FSTL5: variants seen among roughly 807,000 people sequenced by gnomAD.
FSTL5 encodes the protein follistatin like 5, also known as follistatin-related protein 5.
A neutral mutation model predicts 89.1 loss-of-function variants in FSTL5; 62 were observed. The observed-to-expected ratio is 0.70, with a 90% CI of 0.57 to 0.86. FSTL5 has a LOEUF of 0.86. Among genes scored for constraint, FSTL5 ranks in the 40% least tolerant of loss-of-function variants. The probability of loss-of-function intolerance (pLI) is 0.00; values close to 1 mark genes in which losing one functional copy is unlikely to be tolerated. For synonymous variants in FSTL5, 383 were observed against 346.2 expected (o/e 1.11, Z -1.18); for missense variants, 1,057 against 1,001.6 (o/e 1.06, Z -0.75).
At chr4:161,500,357 T>G (rs923500183) in intron 11 of FSTL5, among the ~76,000 whole-genome samples, 1 of 152,104 alleles carries the variant, frequency 6.6e-6, no homozygotes, top group Non-Finnish European at 1.5e-5. Flanking sequence ...AGTGGTTTCT[T>G]TAATATAATT....
rs146402694 is a variant in FSTL5, at chr4:161,658,738, C to A, written c.728-2244G>T. Among the ~76,000 whole-genome samples, 352 of 152,186 alleles carry A rather than the reference C, an allele frequency of 2.3e-3. 2 individuals carry two copies. Among genetic ancestry groups the A allele is most frequent in the Non-Finnish European group, 4.1e-3 (277 of 68,002 alleles). ...GTTACAAACTTACAGAAAGTGAGAACATTATAAAAGTAATGGCATCATGTA... is the reference window on the plus strand; with the variant it reads ...GTTACAAACTTACAGAAAGTGAGAAAATTATAAAAGTAATGGCATCATGTA... On this transcript the variant is annotated intron_variant, in intron 6 of 15. Coordinates refer to ENST00000306100, the MANE Select transcript of FSTL5 (RefSeq NM_020116.5).
At chr4:161,568,017 T>C (rs543995286) in intron 8 of FSTL5, among the ~76,000 whole-genome samples, 1 of 151,966 alleles carries the variant, frequency 6.6e-6, no homozygotes, top group East Asian at 1.9e-4. Context: ...GGATGCATTC[T>C]ATTCTGCTCT....
intron 4 of FSTL5, among the ~76,000 whole-genome samples, chr4:161,784,754 C>A (rs964069380): frequency 9.9e-5 from 15 of 151,782 alleles, no homozygotes; most frequent in African/African-American, 3.4e-4. Flanking sequence ...ATTAGCCGGA[C>A]GTGGTGGCGG....
chr4:161,507,765 C>T (rs907296253), intron 11 of FSTL5, among the ~76,000 whole-genome samples: 1 of 151,796 alleles, frequency 6.6e-6, no homozygotes, highest in South Asian at 2.1e-4. Flanking sequence ...AGATTATAAA[C>T]TCTTCACTAG....
At chr4:161,453,414 C>T (rs1347774527) in intron 15 of FSTL5, among the ~76,000 whole-genome samples, 2 of 151,914 alleles carry the variant, frequency 1.3e-5, no homozygotes, top group Admixed American at 6.6e-5. Flanking sequence ...AAATTTTATC[C>T]TCATTAAATA....
intron 4 of FSTL5, among the ~76,000 whole-genome samples, chr4:161,913,940 C>T (rs1733769438): frequency 6.6e-6 from 1 of 152,114 alleles, no homozygotes; most frequent in Non-Finnish European, 1.5e-5. Flanking sequence ...AGACTTTGGA[C>T]TGTGGACTTT....
intron 4 of FSTL5, among the ~76,000 whole-genome samples, chr4:161,887,392 C>CATCTATCTATCTATCT (rs60103951): frequency 0.035 from 4,669 of 133,118 alleles, 119 homozygotes; most frequent in African/African-American, 0.068. Flanking sequence ...CTCTATCTAT[C>CATCTATCTATCTATCT]ATCTATCTAT....
intron 2 of FSTL5, among the ~76,000 whole-genome samples, chr4:162,071,080 A>G (rs975035631): frequency 9.2e-5 from 14 of 151,830 alleles, no homozygotes; most frequent in African/African-American, 2.9e-4. Flanking sequence ...CAAAGGCTGT[A>G]TGAAACAACC....
intron 15 of FSTL5, among the ~76,000 whole-genome samples, chr4:161,423,134 A>T (rs1732045176): frequency 6.6e-6 from 1 of 152,158 alleles, no homozygotes; most frequent in South Asian, 2.1e-4. Flanking sequence ...CCATTTCTTT[A>T]CAGGAAACAG....
intron 2 of FSTL5, among the ~76,000 whole-genome samples, chr4:162,080,606 AG>A (rs1198635370): frequency 6.6e-6 from 1 of 151,666 alleles, no homozygotes. Flanking sequence ...TTAGTTATAA[AG>A]CAATCCATTT....
At chr4:162,088,425 A>G (rs1021161180) in intron 2 of FSTL5, among the ~76,000 whole-genome samples, 3 of 152,184 alleles carry the variant, frequency 2.0e-5, no homozygotes, top group Admixed American at 6.5e-5. Flanking sequence ...TATTTCTCAA[A>G]AAAGAGCCAT....
At chr4:161,511,274 A>C (rs942238924) in intron 10 of FSTL5, among the ~76,000 whole-genome samples, 2 of 152,230 alleles carry the variant, frequency 1.3e-5, no homozygotes, top group African/African-American at 4.8e-5. Context: ...CTGAACCCAC[A>C]TGTGTATGTT....
At chr4:161,527,424 C>CA (rs1228538065) in intron 10 of FSTL5, among the ~76,000 whole-genome samples, 1 of 152,114 alleles carries the variant, frequency 6.6e-6, no homozygotes, top group Non-Finnish European at 1.5e-5. Flanking sequence ...CCAGAATCTA[C>CA]AATGAACTCA....
intron 8 of FSTL5, among the ~76,000 whole-genome samples, chr4:161,582,967 C>A (rs759592704): frequency 6.6e-6 from 1 of 152,036 alleles, no homozygotes; most frequent in Non-Finnish European, 1.5e-5. Context: ...GCGGGTGAAT[C>A]ACGAGGTCAG....
At chr4:162,027,161 C>A (rs905050168) in intron 3 of FSTL5, among the ~76,000 whole-genome samples, 5 of 152,050 alleles carry the variant, frequency 3.3e-5, no homozygotes, top group African/African-American at 1.2e-4. Flanking sequence ...TCCCTGCTTC[C>A]TGTGGCAGAA....
At chr4:161,960,130 A>G (rs992870069) in intron 3 of FSTL5, among the ~76,000 whole-genome samples, 2 of 151,724 alleles carry the variant, frequency 1.3e-5, no homozygotes, top group African/African-American at 4.8e-5. Flanking sequence ...GAAAATCAAT[A>G]AACAGATTAA....
At position 161,538,281 on chromosome 4, in the gene FSTL5, G is replaced by A; in HGVS notation, c.1197C>T (p.His399=). 6.2e-7 allele frequency: 1 copy of A among 1,613,918 alleles called. No individual in the cohort carries two copies. The highest frequency in any genetic ancestry group is 8.5e-7 in the Non-Finnish European group (1 of 1,179,868). The change falls in exon 10 of 16, where the codon CAC becomes CAT. Residue 399 remains histidine, a synonymous_variant. Transcript: ENST00000306100. ...TATCTTCATAGCGCACATTGCTTAT[G>A]TGAACCTCACTGCCATTTGCTGAAA... ...LTLQANGSEV[H]ISNVRYEDTG...
intron 14 of FSTL5, among the ~76,000 whole-genome samples, chr4:161,455,415 A>T (rs1445293628): frequency 1.3e-5 from 2 of 152,172 alleles, no homozygotes; most frequent in African/African-American, 4.8e-5. Context: ...TCTTCATTAC[A>T]AAAATCCTAA....
At chr4:162,153,782 CATATAT>C in intron 1 of FSTL5, among the ~76,000 whole-genome samples, 1 of 124,890 alleles carries the variant, frequency 8.0e-6, no homozygotes, top group East Asian at 2.1e-4. Flanking sequence ...TATATGTATA[CATATAT>C]ATGTATATGT....
Sources: allele counts gnomAD v4.1 joint callset (sites outside exome capture counted in the v4.1 genomes callset), GRCh38; gene constraint gnomAD v4.1.1; transcripts MANE v1.5; gene names NCBI Gene and HGNC (gene_info 2026-07-23, HGNC 2026-07-21).